The following BNIP1 variants were observed in gnomAD, a reference collection of about 807,000 sequenced individuals.
The protein encoded by BNIP1 is BCL2 interacting protein 1, also known as vesicle transport protein SEC20.
BNIP1 carries 25 observed loss-of-function variants against 28.5 expected under a neutral mutation model. The ratio of observed to expected loss-of-function variants is 0.88; its 90% CI spans 0.64 to 1.23. The LOEUF (loss-of-function observed/expected upper bound fraction) is 1.23. BNIP1 is among the 50% of genes most tolerant of loss of function. BNIP1 has a pLI of 0.00. For synonymous variants in BNIP1, 118 were observed against 101.7 expected (o/e 1.16, Z -0.96); for missense variants, 276 against 277.0 (o/e 1.00, Z 0.02).
chr5:173,148,069 A>AAC (rs1759893022), intron 2 of BNIP1, among the ~76,000 whole-genome samples: 1 of 41,270 alleles, frequency 2.4e-5, no homozygotes, highest in Non-Finnish European at 4.2e-5. Context: ...TGTCAAAAAA[A>AAC]AAAAAAAAAA....
intron 2 of BNIP1, 48 bp downstream of exon 2, chr5:173,147,006 A>C (rs763866092): frequency 2.0e-6 from 3 of 1,478,898 alleles, no homozygotes; most frequent in Non-Finnish European, 2.8e-6. Context: ...TCCTGGGTAT[A>C]TCCTCTGCTT....
Position 173,163,731 on chromosome 5 carries a change from C to T in BNIP1, c.497C>T (p.Ser166Phe), listed in dbSNP as rs1014337312. 1 of 1,596,634 alleles carries T rather than the reference C, an allele frequency of 6.3e-7. No individual in the cohort carries two copies. Among genetic ancestry groups the T allele is most frequent in the African/African-American group, 1.3e-5 (1 of 74,458 alleles). ...CCTTCCTCTTTTGTTTCAGTCACTTCTTCACGAACGATCCTGGATGCAAAT... is the reference window on the plus strand; with the variant it reads ...CCTTCCTCTTTTGTTTCAGTCACTTTTTCACGAACGATCCTGGATGCAAAT... ...SEEAMQSLVT[S>F]SRTILDANEE... Residue 166 changes from serine (S) to phenylalanine (F), a missense_variant, in exon 6 of 6, where the codon TCT becomes TTT. Transcript: ENST00000351486.
intron 5 of BNIP1, among the ~76,000 whole-genome samples, chr5:173,160,571 G>C (rs757447209): frequency 6.6e-6 from 1 of 152,070 alleles, no homozygotes; most frequent in Non-Finnish European, 1.5e-5. Flanking sequence ...CACCCCCATC[G>C]ATGTTTCCTC....
rs1411584033 is a variant in BNIP1 at position 173,160,000 on chromosome 5, A to T, written c.439A>T (p.Arg147Trp). 1.2e-6 allele frequency: 2 copies of T among 1,614,160 alleles called. No individual in the cohort carries two copies. Among genetic ancestry groups the T allele is most frequent in the African/African-American group, 2.7e-5 (2 of 75,050 alleles). The stretch of plus-strand genomic sequence containing the variant: ...CACTGAGAGCCTCATGGGGATCAGC[A>T]GGATGATGGCCCAGCAGGTCCAGCA... The part of the protein sequence containing the change: ...TITESLMGIS[R>W]MMAQQVQQSE... Residue 147 changes from arginine to tryptophan, a missense_variant, in exon 5 of 6, where the codon AGG becomes TGG. By Grantham distance (101) the Arg-to-Trp change is moderately radical. Transcript: ENST00000351486.
intron 2 of BNIP1, among the ~76,000 whole-genome samples, chr5:173,152,242 A>G (rs376922966): frequency 6.6e-6 from 1 of 152,056 alleles, no homozygotes; most frequent in East Asian, 1.9e-4. Context: ...CGCTTTTCCC[A>G]TGCGTTCATT....
rs5745170 is a variant in BNIP1 at position 173,162,306 on chromosome 5, T to G, written c.491-1419T>G. Among the ~76,000 whole-genome samples the G allele has an allele frequency of 4.6e-5, 7 of 152,334 alleles. No homozygotes were observed. In the East Asian group the frequency reaches 1.3e-3, roughly 29 times the overall value. On this transcript the variant is annotated intron_variant, in intron 5 of 5. Coordinates refer to ENST00000351486, the MANE Select transcript of BNIP1 (RefSeq NM_001205.3). ...TATTGAGATATTTTACATTCCTTTTTCTTAGATTAAGTCTTTGAAACATCG... is the reference window on the plus strand; with the variant it reads ...TATTGAGATATTTTACATTCCTTTTGCTTAGATTAAGTCTTTGAAACATCG...
At chr5:173,144,829 G>T in intron 1 of BNIP1, 200 bp downstream of exon 1, 2 of 563,190 alleles carry the variant, frequency 3.6e-6, no homozygotes. Flanking sequence ...TCCGGGTGCC[G>T]CCGGATCTCC....
chr5:173,158,597 C>T lies in BNIP1; in HGVS notation c.270-147C>T, dbSNP rs192701554. The stretch of plus-strand genomic sequence containing the variant: ...GAACAGTTGCTGGGGAACCAGGAGG[C>T]GGAAGTGGCAGGAGGTGGGATGGGC... On this transcript the variant is annotated intron_variant, in intron 3 of 5. Transcript: ENST00000351486. 562 of 613,336 alleles carry T rather than the reference C, an allele frequency of 9.2e-4. 4 individuals carry two copies. Among genetic ancestry groups the T allele is most frequent in the African/African-American group, 5.5e-3 (288 of 52,832 alleles). 38.0% of individuals were successfully genotyped at this position (613,336 alleles called of 1,614,324 possible).
At position 173,164,056 on chromosome 5, in the gene BNIP1, G is replaced by A; in HGVS notation, c.*135G>A. 1 of 870,558 alleles carries A rather than the reference G, an allele frequency of 1.1e-6. No homozygotes were observed. Among genetic ancestry groups the A allele is most frequent in the Non-Finnish European group, 1.7e-6 (1 of 593,076 alleles). 53.9% of individuals were successfully genotyped at this position (870,558 alleles called of 1,614,324 possible). On this transcript the variant is annotated 3_prime_UTR_variant, in exon 6 of 6. Coordinates refer to ENST00000351486, the MANE Select transcript of BNIP1 (RefSeq NM_001205.3). The surrounding 1 kb of genome is among the most constrained non-coding windows in gnomAD (Gnocchi z 4.0). Reference sequence around the variant, plus strand: ...TTGCCTGCAGGTTGGATGGAACACAGTGCCCCACTTTTCTGCAAGTAGCTG... The same window carrying A: ...TTGCCTGCAGGTTGGATGGAACACAATGCCCCACTTTTCTGCAAGTAGCTG...
In BNIP1 at chr5:173,163,753, A is replaced by C. The variant is rs770676913; in HGVS notation, c.519A>C (p.Ala173=). The C allele has an allele frequency of 2.5e-6, 4 of 1,610,154 alleles. No individual in the cohort carries two copies. The Admixed American group carries it at 5.1e-5, about 20-fold the overall frequency. ...CTTCTTCACGAACGATCCTGGATGC[A>C]AATGAAGAATTTAAGTCCATGTCGG... The part of the protein sequence containing the change: ...LVTSSRTILD[A]NEEFKSMSGT... The change falls in exon 6 of 6, where the codon GCA becomes GCC. Residue 173 remains alanine, a synonymous_variant. Coordinates refer to ENST00000351486, the MANE Select transcript of BNIP1 (RefSeq NM_001205.3).
At chr5:173,154,114 T>A (rs1760109411) in intron 2 of BNIP1, among the ~76,000 whole-genome samples, 1 of 152,186 alleles carries the variant, frequency 6.6e-6, no homozygotes, top group African/African-American at 2.4e-5. Flanking sequence ...TTCCCACTTT[T>A]GGGCCATAGG....
In BNIP1 at chr5:173,163,710, C is replaced by T. The variant is rs1440625614; in HGVS notation, c.491-15C>T. 3 of 1,567,700 alleles carry T rather than the reference C, an allele frequency of 1.9e-6. No individual in the cohort carries two copies. The highest frequency in any genetic ancestry group is 1.7e-6 in the Non-Finnish European group (2 of 1,154,504). On this transcript the variant is annotated splice_polypyrimidine_tract_variant and intron_variant, in intron 5 of 5. Transcript: ENST00000351486. The stretch of plus-strand genomic sequence containing the variant: ...TGCAGTCTCTGAGTTGGGCCTCCTT[C>T]CTCTTTTGTTTCAGTCACTTCTTCA...
At position 173,159,948 on chromosome 5, in the gene BNIP1, G is replaced by C; in HGVS notation, c.387G>C (p.Glu129Asp). The change falls in exon 5 of 6, where the codon GAG becomes GAC. Residue 129 changes from glutamate (E) to aspartate (D), a missense_variant. By Grantham distance (45) the Glu-to-Asp change is conservative (BLOSUM62 2). Transcript: ENST00000351486. Reference protein sequence around the residue: ...DLLRQRKTTKESLAQTSSTIT... With the variant: ...DLLRQRKTTKDSLAQTSSTIT... The stretch of plus-strand genomic sequence containing the variant: ...GAACTTTTAGGAAAACCACCAAAGA[G>C]AGCCTGGCCCAGACATCCAGTACCA... The C allele has an allele frequency of 6.2e-7, 1 of 1,614,070 alleles. No homozygotes were observed.
intron 2 of BNIP1, chr5:173,151,683 G>A: frequency 2.5e-6 from 4 of 1,612,794 alleles, no homozygotes; most frequent in Non-Finnish European, 3.4e-6. Flanking sequence ...AACTACACCT[G>A]TTACCTTCAG....
At chr5:173,163,309 G>A (rs911282052) in intron 5 of BNIP1, among the ~76,000 whole-genome samples, 1 of 152,222 alleles carries the variant, frequency 6.6e-6, no homozygotes, top group East Asian at 1.9e-4. Context: ...CCTGGAGGCC[G>A]CACCTCATAG....
intron 5 of BNIP1, chr5:173,160,913 CTG>C (rs1232176176): frequency 2.2e-6 from 1 of 456,046 alleles, no homozygotes; most frequent in African/African-American, 2.0e-5. Context: ...AGTGTCTCCT[CTG>C]TGATGGAGAA....
chr5:173,164,122 C>T lies in BNIP1; in HGVS notation c.*201C>T, dbSNP rs1254389056. The T allele has an allele frequency of 2.1e-6, 1 of 482,644 alleles. No individual in the cohort carries two copies. The highest frequency in any genetic ancestry group is 3.5e-6 in the Non-Finnish European group (1 of 283,002). 29.9% of individuals were successfully genotyped at this position (482,644 alleles called of 1,614,324 possible). A position where few individuals can be genotyped will look rare whatever the true frequency, so the allele number is the denominator to read the frequency against. On this transcript the variant is annotated 3_prime_UTR_variant, in exon 6 of 6. Transcript: ENST00000351486. The surrounding 1 kb of genome is among the most constrained non-coding windows in gnomAD (Gnocchi z 4.0). ...ACAGAGCCATGGGAGGAAGGTCTGG[C>T]ATTGGGATGCCGCCCTGGGGACATA...
intron 2 of BNIP1, among the ~76,000 whole-genome samples, chr5:173,148,452 G>A (rs1188948494): frequency 1.5e-4 from 23 of 152,040 alleles, no homozygotes; most frequent in Non-Finnish European, 1.6e-4. Flanking sequence ...TGCAGCTCAT[G>A]GGTAGAGGGG....
At chr5:173,147,074 G>A in intron 2 of BNIP1, 116 bp downstream of exon 2, 1 of 789,402 alleles carries the variant, frequency 1.3e-6, no homozygotes, top group Non-Finnish European at 2.1e-6. Flanking sequence ...ACTTAGACAG[G>A]GAGGGTGACT....
Sources: allele counts gnomAD v4.1 joint callset (sites outside exome capture counted in the v4.1 genomes callset), GRCh38; gene constraint gnomAD v4.1.1; non-coding constraint Gnocchi (gnomAD v3.1); transcripts MANE v1.5; gene names NCBI Gene and HGNC (gene_info 2026-07-23, HGNC 2026-07-21).